MMS19: variants seen among roughly 807,000 people sequenced by gnomAD.
MMS19 encodes the protein MMS19 cytosolic iron-sulfur assembly component, also known as MMS19 nucleotide excision repair protein homolog.
MMS19 carries 77 observed loss-of-function variants against 129.8 expected under a neutral mutation model. The ratio of observed to expected loss-of-function variants is 0.59; its 90% CI spans 0.49 to 0.72. The LOEUF is 0.72. MMS19 is among the 30% of genes least tolerant of loss of function. The probability of loss-of-function intolerance (pLI) is 0.00; values close to 1 mark genes in which losing one functional copy is unlikely to be tolerated. For synonymous variants in MMS19, 491 were observed against 502.8 expected (o/e 0.98, Z 0.31); for missense variants, 1,168 against 1,266.3 (o/e 0.92, Z 1.18).
Position 97,465,925 on chromosome 10 carries a change from G to A in MMS19, c.1636C>T (p.Pro546Ser). 1 of 1,613,900 alleles carries A rather than the reference G, an allele frequency of 6.2e-7. No individual in the cohort carries two copies. Among genetic ancestry groups the A allele is most frequent in the Admixed American group, 1.7e-5 (1 of 60,010 alleles). ...CACAGATGCCGGGAGCATTGGGTGGGCTCATCTCCGTTAGTCAAATTTGAC... is the reference window on the plus strand; with the variant it reads ...CACAGATGCCGGGAGCATTGGGTGGACTCATCTCCGTTAGTCAAATTTGAC... ...GESNLTNGDE[P>S]TQCSRHLCCL... Residue 546 changes from proline to serine, a missense_variant, in exon 18 of 31, where the codon CCC becomes TCC. This residue lies in a region of MMS19 where 831 missense variants were observed against 910.8 expected (regional missense o/e 0.91). Transcript: ENST00000438925.
At chr10:97,468,689 C>T (rs1314418379) in intron 12 of MMS19, among the ~76,000 whole-genome samples, 6 of 152,150 alleles carry the variant, frequency 3.9e-5, no homozygotes, top group Non-Finnish European at 7.3e-5. Flanking sequence ...TCTCAGCTCA[C>T]CGCAACCTCT....
chr10:97,478,441 A>G, intron 3 of MMS19, 52 bp from the exon 4 acceptor site: 2 of 1,340,204 alleles, frequency 1.5e-6, no homozygotes, highest in Non-Finnish European at 2.1e-6. Flanking sequence ...GAAGGGCCCA[A>G]GAGCTTTGTT....
chr10:97,460,549 G>A, intron 25 of MMS19, 146 bp downstream of exon 25: 1 of 732,852 alleles, frequency 1.4e-6, no homozygotes, highest in Non-Finnish European at 2.3e-6. Flanking sequence ...TCCAGCCTGG[G>A]TGACAGAGTA....
In MMS19 at chr10:97,458,858, G is replaced by T. The variant is rs1405179675; in HGVS notation, c.3007C>A (p.Pro1003Thr). ...KPQVIRALAK[P>T]LDDKKRLVRK... ...ACCAGTCTCTTCTTGTCATCCAGGGGTTTGGCTAAGGCCCGAATCACCTGT... is the reference window on the plus strand; with the variant it reads ...ACCAGTCTCTTCTTGTCATCCAGGGTTTTGGCTAAGGCCCGAATCACCTGT... Residue 1003 changes from proline to threonine, a missense_variant, in exon 30 of 31, where the codon CCC becomes ACC. Pro to Thr is a conservative substitution (Grantham distance 38). Coordinates refer to ENST00000438925, the MANE Select transcript of MMS19 (RefSeq NM_022362.5). 1 of 1,613,904 alleles carries T rather than the reference G, an allele frequency of 6.2e-7. No homozygotes were observed. The highest frequency in any genetic ancestry group is 8.5e-7 in the Non-Finnish European group (1 of 1,179,894).
Position 97,461,627 on chromosome 10 carries a change from A to G in MMS19, c.2185-5T>C. On this transcript the variant is annotated splice_polypyrimidine_tract_variant and splice_region_variant and intron_variant, in intron 22 of 30. Transcript: ENST00000438925. ...GTTCAGCTGAGGGATTTCCACCTAC[A>G]GAAAACCTGGCCATGTAATGGACCC... 5 of 1,597,108 alleles carry G rather than the reference A, an allele frequency of 3.1e-6. No individual in the cohort carries two copies. The highest frequency in any genetic ancestry group is 1.7e-4 in the Middle Eastern group (1 of 6,008).
In MMS19 at chr10:97,498,332, C is replaced by T. The variant is rs1365719045; in HGVS notation, c.53G>A (p.Gly18Asp). 6.4e-7 allele frequency: 1 copy of T among 1,574,668 alleles called. No homozygotes were observed. The highest frequency in any genetic ancestry group is 8.6e-7 in the Non-Finnish European group (1 of 1,167,460). The change falls in exon 1 of 31, where the codon GGC (glycine) becomes GAC (aspartate). Residue 18 changes from glycine (G) to aspartate (D), a missense_variant. This residue lies in a region of MMS19 where 329 missense variants were observed against 328.6 expected (regional missense o/e 1.00). Coordinates refer to ENST00000438925, the MANE Select transcript of MMS19 (RefSeq NM_022362.5). ...EAAAPMGALW[G>D]LVHDFVVGQQ... Reference sequence around the variant, plus strand: ...ACCCACGACGAAGTCGTGCACGAGGCCCCATAGGGCACCCATAGGCGCCGC... The same window carrying T: ...ACCCACGACGAAGTCGTGCACGAGGTCCCATAGGGCACCCATAGGCGCCGC...
At chr10:97,468,765 C>G (rs1023993697) in intron 12 of MMS19, among the ~76,000 whole-genome samples, 1 of 152,102 alleles carries the variant, frequency 6.6e-6, no homozygotes, top group East Asian at 1.9e-4. Flanking sequence ...TCCACCACCA[C>G]GCCCGGCTAA....
rs755911503 is a variant in MMS19 at position 97,468,551 on chromosome 10, C to A, written c.1064-145G>T. On this transcript the variant is annotated intron_variant, in intron 12 of 30. Coordinates refer to ENST00000438925, the MANE Select transcript of MMS19 (RefSeq NM_022362.5). ...TGTTTTCAATTCAAAGTAGGGCTAT[C>A]GCCCCCAAATCACCAAATATGTTGG... is the stretch of plus-strand genomic sequence containing the variant. 8.1e-6 allele frequency: 6 copies of A among 744,166 alleles called. No individual in the cohort carries two copies. The African/African-American group carries it at 1.1e-4, about 13-fold the overall frequency. The allele number at this position is 744,166 out of a possible 1,614,324, so 46.1% of individuals were successfully genotyped here.
rs770396860 is a variant in MMS19, at chr10:97,458,811, G to A, written c.3054C>T (p.Ala1018=). 6.2e-7 allele frequency: 1 copy of A among 1,613,958 alleles called. No homozygotes were observed. The highest frequency in any genetic ancestry group is 8.5e-7 in the Non-Finnish European group (1 of 1,179,870). ...KRLVRKEAVS[A]RGEWFLLGSP... ...ACCTAGAAACTCACCACTCCCCTCT[G>A]GCTGACACTGCTTCCTTGCGCACCA... The change falls in exon 30 of 31, where the codon GCC becomes GCT. Residue 1018 remains alanine, a synonymous_variant. Transcript: ENST00000438925.
At chr10:97,482,549 TG>T (rs2036984058) in intron 2 of MMS19, among the ~76,000 whole-genome samples, 2 of 152,072 alleles carry the variant, frequency 1.3e-5, no homozygotes, top group Non-Finnish European at 2.9e-5. Flanking sequence ...GGGAAATGAC[TG>T]CTAATGGGCA....
Position 97,461,533 on chromosome 10 carries a change from G to T in MMS19, c.2274C>A (p.Ala758=). 1 of 1,605,242 alleles carries T rather than the reference G, an allele frequency of 6.2e-7. No individual in the cohort carries two copies. Among genetic ancestry groups the T allele is most frequent in the Non-Finnish European group, 8.5e-7 (1 of 1,175,908 alleles). ...TGTTGAGGAGTCCTGCAAAGCACTT[G>T]GCAGCAGCGGTGGAAGAAAAGGGGC... ...HSCPFSSTAA[A]KCFAGLLNKH... is the part of the protein sequence containing the mutation. The change falls in exon 23 of 31, where the codon GCC becomes GCA. Residue 758 remains alanine (A), a synonymous_variant. Coordinates refer to ENST00000438925, the MANE Select transcript of MMS19 (RefSeq NM_022362.5).
chr10:97,474,707 A>G (rs777251021), intron 8 of MMS19, among the ~76,000 whole-genome samples: 2 of 152,250 alleles, frequency 1.3e-5, no homozygotes, highest in Non-Finnish European at 1.5e-5. Flanking sequence ...ACTGCAGTGC[A>G]GAACAACATA....
In MMS19 at chr10:97,483,749, G is replaced by T. The variant is rs29001272; in HGVS notation, c.161+354C>A. ...CACAGCTTGTTCTGAGTCAGGTCTA[G>T]GCAGGCTAGCATCCCATGGAGGTAG... On this transcript the variant is annotated intron_variant, in intron 2 of 30. Coordinates refer to ENST00000438925, the MANE Select transcript of MMS19 (RefSeq NM_022362.5). 2.5e-3 allele frequency among the ~76,000 whole-genome samples: 386 copies of T among 152,314 alleles called. 4 individuals are homozygous for T. The highest frequency in any genetic ancestry group is 8.9e-3 in the African/African-American group (372 of 41,566).
chr10:97,459,520 A>C lies in MMS19; in HGVS notation c.2746T>G (p.Ser916Ala), dbSNP rs776688898. The C allele has an allele frequency of 1.2e-6, 2 of 1,612,488 alleles. No homozygotes were observed. The highest frequency in any genetic ancestry group is 4.5e-5 in the East Asian group (2 of 44,824). Reference sequence around the variant, plus strand: ...CAGGACAGGGCCTCCAGCAGCAAGGAAAGAAGCTAAGGGGCAATGGGCAAG... The same window carrying C: ...CAGGACAGGGCCTCCAGCAGCAAGGCAAGAAGCTAAGGGGCAATGGGCAAG... ...VLLPELPTLLSLLLEALSCPD... is the reference protein window; with the variant it reads ...VLLPELPTLLALLLEALSCPD... The change falls in exon 28 of 31, where the codon TCC (serine) becomes GCC (alanine). Residue 916 changes from serine (S) to alanine (A), a missense_variant. This residue lies in a region of MMS19 where 831 missense variants were observed against 910.8 expected (regional missense o/e 0.91). Transcript: ENST00000438925.
chr10:97,480,934 A>T lies in MMS19; in HGVS notation c.262+8T>A, dbSNP rs765501697. On this transcript the variant is annotated splice_region_variant and intron_variant, in intron 3 of 30. Coordinates refer to ENST00000438925, the MANE Select transcript of MMS19 (RefSeq NM_022362.5). Reference sequence around the variant, plus strand: ...CCAGGAAGACATTCCTATTAGTGACACCAGTACCTTCCTTCTCCAGGAGCA... The same window carrying T: ...CCAGGAAGACATTCCTATTAGTGACTCCAGTACCTTCCTTCTCCAGGAGCA... The T allele has an allele frequency of 6.3e-6, 10 of 1,581,986 alleles. No individual in the cohort carries two copies. The highest frequency in any genetic ancestry group is 8.6e-6 in the Non-Finnish European group (10 of 1,156,768).
At chr10:97,465,759 G>T in intron 18 of MMS19, 46 bp downstream of exon 18, 1 of 1,573,114 alleles carries the variant, frequency 6.4e-7, no homozygotes. Flanking sequence ...AGAGACTACA[G>T]CTCCCTATTC....
intron 1 of MMS19, among the ~76,000 whole-genome samples, chr10:97,496,137 A>T (rs1045058290): frequency 6.6e-6 from 1 of 152,180 alleles, no homozygotes; most frequent in Non-Finnish European, 1.5e-5. Flanking sequence ...TACAGTCTTA[A>T]ATCAGTTGAG....
chr10:97,481,164 A>G, intron 2 of MMS19, 122 bp from the exon 3 acceptor site: 1 of 692,482 alleles, frequency 1.4e-6, no homozygotes, highest in Non-Finnish European at 2.5e-6. Flanking sequence ...CCCTGTTAAG[A>G]GTAAAAACAG....
At chr10:97,467,129 C>T (rs899161511) in intron 14 of MMS19, among the ~76,000 whole-genome samples, 2 of 152,172 alleles carry the variant, frequency 1.3e-5, no homozygotes, top group African/African-American at 4.8e-5. Context: ...CAGGCATGTG[C>T]CAACAGGCCT....
Sources: gnomAD v4.1 joint callset for allele counts (sites outside exome capture counted in the v4.1 genomes callset) on GRCh38, gnomAD v4.1.1 for gene constraint, gnomAD v4.1.1 regional missense constraint, MANE v1.5 for transcripts, NCBI Gene and HGNC (gene_info 2026-07-23, HGNC 2026-07-21) for gene names.